The following PHEX variants were observed in gnomAD, a reference collection of about 807,000 sequenced individuals.
PHEX encodes the protein phosphate-regulating neutral endopeptidase PHEX.
PHEX carries 16 observed loss-of-function variants against 68.0 expected under a neutral mutation model. The observed-to-expected ratio is 0.24, with a 90% CI of 0.16 to 0.36. The LOEUF (loss-of-function observed/expected upper bound fraction) is 0.36. PHEX is among the 10% of genes least tolerant of loss of function. PHEX has a pLI of 1.00. For synonymous variants in PHEX, 208 were observed against 205.1 expected, an observed-to-expected ratio of 1.01 and a Z score of -0.12; for missense variants, 480 against 575.5, an observed-to-expected ratio of 0.83 and a Z score of 1.70.
At chrX:22,224,947 A>AATTGTCATACAGTGCTGTATGATTT (rs1935398083) in intron 18 of PHEX, among the ~76,000 whole-genome samples, 1 of 23,247 alleles carries the variant, frequency 4.3e-5, no homozygotes, top group African/African-American at 1.7e-4. Flanking sequence ...AAATAACATA[A>AATTGTCATACAGTGCTGTATGATTT]ATTATCATAC....
chrX:22,237,801 A>AT (rs1013607788), intron 20 of PHEX, among the ~76,000 whole-genome samples: 1 of 111,531 alleles, frequency 9.0e-6, no homozygotes, highest in Admixed American at 9.5e-5. Context: ...CACTTAGAAT[A>AT]TTTTTTTCCA....
chrX:22,216,543 G>A (rs1312232884), intron 16 of PHEX, among the ~76,000 whole-genome samples: 2 of 108,366 alleles, frequency 1.8e-5, no homozygotes, highest in African/African-American at 6.7e-5. Flanking sequence ...TTATGAGACA[G>A]AGTTTTGCTC....
intron 20 of PHEX, among the ~76,000 whole-genome samples, chrX:22,237,479 T>C (rs1936021537): frequency 8.9e-6 from 1 of 111,882 alleles, no homozygotes; most frequent in South Asian, 3.8e-4. Context: ...CATTCTATTT[T>C]CTACTTATTT....
intron 11 of PHEX, among the ~76,000 whole-genome samples, chrX:22,127,931 G>T (rs1008276103): frequency 1.8e-5 from 2 of 111,953 alleles, no homozygotes; most frequent in East Asian, 5.5e-4. Flanking sequence ...AGAGGAGGGA[G>T]GAACTGGCAT....
intron 16 of PHEX, among the ~76,000 whole-genome samples, chrX:22,215,137 T>C (rs1477226504): frequency 9.0e-6 from 1 of 111,715 alleles, no homozygotes; most frequent in African/African-American, 3.3e-5. Context: ...ATTGATGAAG[T>C]AATTTGTTTA....
intron 16 of PHEX, among the ~76,000 whole-genome samples, chrX:22,218,390 G>T (rs1935158661): frequency 9.0e-6 from 1 of 111,507 alleles, no homozygotes; most frequent in Admixed American, 9.5e-5. Flanking sequence ...GGGGTAGGGA[G>T]AATTGTTGGT....
At chrX:22,207,465 T>C (rs1469725638) in intron 15 of PHEX, among the ~76,000 whole-genome samples, 1 of 111,734 alleles carries the variant, frequency 8.9e-6, no homozygotes, top group African/African-American at 3.2e-5. Context: ...AAAAGAAATT[T>C]TAATAATTGT....
intron 10 of PHEX, among the ~76,000 whole-genome samples, chrX:22,112,365 G>C (rs1195361846): frequency 1.8e-5 from 2 of 111,702 alleles, no homozygotes; most frequent in Non-Finnish European, 3.8e-5. Flanking sequence ...TTGTTTTTGA[G>C]GCTTATGTCT....
rs1420216902 is a variant in PHEX, at chrX:22,249,209, G to A, written c.*1256G>A. On this transcript the variant is annotated 3_prime_UTR_variant, in exon 22 of 22. Transcript: ENST00000379374. ...GTGAACTCCTTTCTTATTACTGAGC[G>A]TGTGTGTGTGTGTGTGTGTGTGTGT... is the stretch of plus-strand genomic sequence containing the variant. The A allele has an allele frequency of 3.2e-5, 1 of 31,034 alleles. No individual in the cohort carries two copies. The highest frequency in any genetic ancestry group is 5.3e-5 in the Non-Finnish European group (1 of 18,782). The allele number at this position is 31,034 out of a possible 1,213,427, so 2.6% of individuals were successfully genotyped here. A position where few individuals can be genotyped will look rare whatever the true frequency, so the allele number is the denominator to read the frequency against.
chrX:22,164,229 G>C (rs1034687337), intron 12 of PHEX, among the ~76,000 whole-genome samples: 2 of 111,727 alleles, frequency 1.8e-5, no homozygotes, highest in Non-Finnish European at 3.8e-5. Context: ...AGAATGGGGT[G>C]GGGTAGGATG....
At chrX:22,157,025 G>A (rs137968193) in intron 12 of PHEX, among the ~76,000 whole-genome samples, 1,461 of 111,345 alleles carry the variant, frequency 0.013, 28 homozygotes, top group African/African-American at 0.043. Context: ...TGGGATTTCA[G>A]GTGCAAGCCA....
intron 14 of PHEX, 38 bp from the exon 15 acceptor site, chrX:22,190,406 T>C: frequency 2.0e-6 from 2 of 1,005,106 alleles, no homozygotes; most frequent in Non-Finnish European, 2.8e-6. Context: ...GCCTGTATAA[T>C]GATGATTGCT....
chrX:22,138,573 G>A (rs1378627760), intron 12 of PHEX, among the ~76,000 whole-genome samples: 1 of 112,035 alleles, frequency 8.9e-6, no homozygotes, highest in Non-Finnish European at 1.9e-5. Context: ...CCCACACCCT[G>A]TCTTGCAGCC....
intron 12 of PHEX, among the ~76,000 whole-genome samples, chrX:22,158,539 C>T (rs1220008545): frequency 3.6e-5 from 4 of 112,224 alleles, no homozygotes. Flanking sequence ...GTGATACATG[C>T]AAGACATTTG....
chrX:22,063,527 G>A (rs1928465246), intron 3 of PHEX, among the ~76,000 whole-genome samples: 1 of 112,070 alleles, frequency 8.9e-6, no homozygotes, highest in African/African-American at 3.2e-5. Flanking sequence ...CGTGGGAGGT[G>A]CTGGGTGAAG....
At chrX:22,234,243 G>A (rs1367240313) in intron 20 of PHEX, among the ~76,000 whole-genome samples, 1 of 112,473 alleles carries the variant, frequency 8.9e-6, no homozygotes, top group Non-Finnish European at 1.9e-5. Context: ...ACCGGGAGGT[G>A]TCTCCCAGTC....
chrX:22,233,575 A>G (rs1935848063), intron 20 of PHEX, among the ~76,000 whole-genome samples: 1 of 110,798 alleles, frequency 9.0e-6, no homozygotes, highest in East Asian at 2.9e-4. Flanking sequence ...TCAATCTCTG[A>G]TATCCTTTCT....
At chrX:22,223,766 A>G (rs892836683) in intron 18 of PHEX, among the ~76,000 whole-genome samples, 1 of 112,631 alleles carries the variant, frequency 8.9e-6, no homozygotes, top group Non-Finnish European at 1.9e-5. Context: ...AAACCCTCAG[A>G]GTAAAAAGGA....
intron 12 of PHEX, among the ~76,000 whole-genome samples, chrX:22,148,335 C>T (rs895674063): frequency 7.2e-5 from 8 of 111,282 alleles, no homozygotes; most frequent in Non-Finnish European, 1.5e-4. Context: ...AATGTCTGTT[C>T]TCAGAAGTCT....
Sources: allele counts gnomAD v4.1 joint callset (sites outside exome capture counted in the v4.1 genomes callset), GRCh38; gene constraint gnomAD v4.1.1; transcripts MANE v1.5; gene names NCBI Gene and HGNC (gene_info 2026-07-23, HGNC 2026-07-21).